The following UBR3 variants were observed in gnomAD, a reference collection of about 807,000 sequenced individuals.
UBR3 encodes ubiquitin protein ligase E3 component n-recognin 3.
Under a neutral mutation model 243.2 loss-of-function variants are expected in UBR3, and 85 were observed. The observed-to-expected ratio is 0.35, with a 90% CI of 0.29 to 0.42. The LOEUF is 0.42. UBR3 is among the 10% of genes least tolerant of loss of function. UBR3 has a pLI of 1.00. For synonymous variants in UBR3, 748 were observed against 799.8 expected (o/e 0.94, Z 1.09); for missense variants, 1,686 against 2,300.8 (o/e 0.73, Z 5.47).
At position 169,861,370 on chromosome 2, in the gene UBR3, G is replaced by A. The variant is rs189580963; in HGVS notation, c.546-10866G>A. Among the ~76,000 whole-genome samples the A allele has an allele frequency of 1.4e-3, 218 of 152,316 alleles. 1 individual carries two copies. Among genetic ancestry groups the A allele is most frequent in the African/African-American group, 5.1e-3 (211 of 41,564 alleles). On this transcript the variant is annotated intron_variant, in intron 1 of 38. Transcript: ENST00000272793. ...CACGCCCGTAATCCCAGCACTCTGG[G>A]AGGCCGAGGCGGGTGGATCACGAGG...
chr2:170,045,273 C>T (rs751514053), intron 32 of UBR3, among the ~76,000 whole-genome samples: 10 of 152,078 alleles, frequency 6.6e-5, no homozygotes, highest in East Asian at 1.9e-4. Context: ...GAACAGGATG[C>T]GGGAACCACC....
intron 31 of UBR3, among the ~76,000 whole-genome samples, chr2:170,039,909 T>C (rs1268548489): frequency 6.6e-6 from 1 of 152,150 alleles, no homozygotes; most frequent in African/African-American, 2.4e-5. Flanking sequence ...TTAAAATTTA[T>C]TTTTTGTAGA....
chr2:170,057,496 T>A (rs1290437221), intron 33 of UBR3, among the ~76,000 whole-genome samples: 1 of 152,212 alleles, frequency 6.6e-6, no homozygotes, highest in Non-Finnish European at 1.5e-5. Flanking sequence ...TCAGATAGTA[T>A]TCAAATGAGG....
chr2:169,827,969 C>A lies in UBR3; in HGVS notation c.462C>A (p.His154Gln). ...LCAECFHQGD[H>Q]TGHDFNMFRS... is the part of the protein sequence containing the mutation. ...CCGAGTGCTTCCACCAGGGCGACCA[C>A]ACCGGACACGACTTCAACATGTTCC... The change falls in exon 1 of 39, where the codon CAC becomes CAA. Residue 154 changes from histidine to glutamine, a missense_variant. This residue lies in a region of UBR3 where 145 missense variants were observed against 243.8 expected (regional missense o/e 0.59). Transcript: ENST00000272793. 6.8e-7 allele frequency: 1 copy of A among 1,468,434 alleles called. No homozygotes were observed. Among genetic ancestry groups the A allele is most frequent in the South Asian group, 1.3e-5 (1 of 77,518 alleles). 91.0% of individuals were successfully genotyped at this position (1,468,434 alleles called of 1,614,324 possible).
intron 24 of UBR3, among the ~76,000 whole-genome samples, chr2:169,961,544 T>C (rs947468606): frequency 1.3e-5 from 2 of 152,166 alleles, no homozygotes; most frequent in African/African-American, 4.8e-5. Context: ...TGGAAGGGAC[T>C]TTAGTCTACT....
intron 5 of UBR3, among the ~76,000 whole-genome samples, chr2:169,880,200 C>A (rs932724055): frequency 6.6e-6 from 1 of 152,106 alleles, no homozygotes; most frequent in Non-Finnish European, 1.5e-5. Context: ...GAACTTTAGA[C>A]AACTATTGCA....
At chr2:169,894,078 C>T (rs10198570) in intron 6 of UBR3, among the ~76,000 whole-genome samples, 1 of 151,764 alleles carries the variant, frequency 6.6e-6, no homozygotes, top group Non-Finnish European at 1.5e-5. Context: ...GTAGAAAATT[C>T]TGAGTTTTGA....
At chr2:169,976,367 T>G (rs2088444534) in intron 24 of UBR3, among the ~76,000 whole-genome samples, 1 of 152,142 alleles carries the variant, frequency 6.6e-6, no homozygotes, top group Admixed American at 6.5e-5. Context: ...TACTTTTTCA[T>G]TTTTTCATGA....
chr2:169,856,304 C>G (rs1262150182), intron 1 of UBR3, among the ~76,000 whole-genome samples: 1 of 150,690 alleles, frequency 6.6e-6, no homozygotes, highest in Non-Finnish European at 1.5e-5. Flanking sequence ...TCCTCACTTC[C>G]TAGACGGGAT....
Position 169,895,311 on chromosome 2 carries a change from G to T in UBR3, c.1236G>T (p.Lys412Asn). Reference sequence around the variant, plus strand: ...ACATGCTTCCAGATCAAGAGTATAAGGTATCTATATATTTTCCTGCTTTTC... The same window carrying T: ...ACATGCTTCCAGATCAAGAGTATAATGTATCTATATATTTTCCTGCTTTTC... ...LLNMLPDQEY[K>N]VAFTKTFVQH... The change falls in exon 7 of 39, where the codon AAG becomes AAT. Residue 412 changes from lysine to asparagine, a missense_variant and splice_region_variant. Lys to Asn is a moderately conservative substitution (Grantham distance 94, BLOSUM62 0). This residue lies in a region of UBR3 where 200 missense variants were observed against 231.6 expected (regional missense o/e 0.86). Coordinates refer to ENST00000272793, the MANE Select transcript of UBR3 (RefSeq NM_172070.4). 1 of 1,534,364 alleles carries T rather than the reference G, an allele frequency of 6.5e-7. No individual in the cohort carries two copies. The highest frequency in any genetic ancestry group is 1.2e-5 in the South Asian group (1 of 80,280).
intron 32 of UBR3, among the ~76,000 whole-genome samples, chr2:170,052,422 A>G (rs754863147): frequency 6.6e-6 from 1 of 152,212 alleles, no homozygotes. Flanking sequence ...TATGGCTTTA[A>G]TCACAATAGC....
At chr2:169,993,422 T>C (rs1273330871) in intron 25 of UBR3, among the ~76,000 whole-genome samples, 4 of 152,226 alleles carry the variant, frequency 2.6e-5, no homozygotes, top group Non-Finnish European at 4.4e-5. Flanking sequence ...CATGTATTGT[T>C]TTTCATTATC....
chr2:169,999,089 G>A (rs1338767980), intron 26 of UBR3, among the ~76,000 whole-genome samples: 1 of 152,182 alleles, frequency 6.6e-6, no homozygotes, highest in Non-Finnish European at 1.5e-5. Context: ...AAGTTGTGTA[G>A]ACGAATGACT....
At chr2:170,052,290 G>A (rs2091236440) in intron 32 of UBR3, among the ~76,000 whole-genome samples, 1 of 152,082 alleles carries the variant, frequency 6.6e-6, no homozygotes, top group Non-Finnish European at 1.5e-5. Context: ...ACTGTATGGA[G>A]GTTCCTCAAA....
intron 7 of UBR3, among the ~76,000 whole-genome samples, chr2:169,896,200 A>G (rs546840001): frequency 3.4e-4 from 52 of 152,214 alleles, no homozygotes; most frequent in African/African-American, 1.0e-3. Context: ...AGGCAGGAGA[A>G]TTGCTTGAAC....
intron 18 of UBR3, among the ~76,000 whole-genome samples, chr2:169,929,271 AG>A (rs1559103973): frequency 6.6e-6 from 1 of 152,236 alleles, no homozygotes. Flanking sequence ...AACTTGAAAT[AG>A]TTCAAATTAA....
At chr2:170,057,032 TTCTG>T (rs2091350037) in intron 33 of UBR3, among the ~76,000 whole-genome samples, 1 of 152,228 alleles carries the variant, frequency 6.6e-6, no homozygotes, top group African/African-American at 2.4e-5. Context: ...CAAAATTAAT[TTCTG>T]TCTTTCTTGA....
chr2:169,968,244 A>G (rs1303937705), intron 24 of UBR3, among the ~76,000 whole-genome samples: 1 of 152,190 alleles, frequency 6.6e-6, no homozygotes, highest in Non-Finnish European at 1.5e-5. Flanking sequence ...ATTTTTAAAT[A>G]CATAATTAAT....
At chr2:169,963,222 C>G (rs889547690) in intron 24 of UBR3, among the ~76,000 whole-genome samples, 1 of 152,086 alleles carries the variant, frequency 6.6e-6, no homozygotes, top group African/African-American at 2.4e-5. Context: ...TGTATACAGT[C>G]CTTCAAATAA....
Sources: gnomAD v4.1 joint callset for allele counts (sites outside exome capture counted in the v4.1 genomes callset) on GRCh38, gnomAD v4.1.1 for gene constraint, gnomAD v4.1.1 regional missense constraint, MANE v1.5 for transcripts, NCBI Gene and HGNC (gene_info 2026-07-23, HGNC 2026-07-21) for gene names.